Variants in CCAR1 observed in about 807,000 individuals in gnomAD.
CCAR1 encodes the protein cell division cycle and apoptosis regulator 1.
A neutral mutation model predicts 163.8 loss-of-function variants in CCAR1; 78 were observed. That is an observed-to-expected ratio of 0.48 (90% CI 0.40 to 0.57). CCAR1 has a LOEUF of 0.57. Among genes scored for constraint, CCAR1 ranks in the 20% least tolerant of loss-of-function variants. CCAR1 has a pLI of 0.00. For missense variants in CCAR1, 1,019 were observed against 1,365.2 expected, an observed-to-expected ratio of 0.75 and a Z score of 4.00; for synonymous variants, 443 against 460.7, an observed-to-expected ratio of 0.96 and a Z score of 0.49.
chr10:68,741,496 T>G (rs1013999793), intron 5 of CCAR1, among the ~76,000 whole-genome samples: 2 of 152,186 alleles, frequency 1.3e-5, no homozygotes, highest in Admixed American at 1.3e-4. Flanking sequence ...ATAAACTACG[T>G]AAAAAGAGCC....
chr10:68,736,654 ATTC>A (rs991673761), intron 2 of CCAR1, among the ~76,000 whole-genome samples: 15 of 152,232 alleles, frequency 9.9e-5, no homozygotes, highest in African/African-American at 2.4e-4. Flanking sequence ...ATTACCGGAT[ATTC>A]TTCTTAAGGC....
chr10:68,743,810 G>A (rs2056217390), intron 6 of CCAR1, among the ~76,000 whole-genome samples: 1 of 152,044 alleles, frequency 6.6e-6, no homozygotes, highest in Non-Finnish European at 1.5e-5. Context: ...GAGTGCAGTG[G>A]TGCGATCTCA....
chr10:68,764,816 A>G (rs1227175577), intron 16 of CCAR1, among the ~76,000 whole-genome samples: 1 of 152,200 alleles, frequency 6.6e-6, no homozygotes, highest in African/African-American at 2.4e-5. Context: ...GCACACTTTA[A>G]AAATAGTAAT....
At chr10:68,779,546 A>C (rs2056710220) in intron 19 of CCAR1, among the ~76,000 whole-genome samples, 1 of 152,210 alleles carries the variant, frequency 6.6e-6, no homozygotes, top group Admixed American at 6.5e-5. Context: ...GGCGTGAGCC[A>C]CCACGTCCGG....
intron 19 of CCAR1, among the ~76,000 whole-genome samples, chr10:68,782,455 C>T (rs1315539474): frequency 6.6e-6 from 1 of 151,810 alleles, no homozygotes; most frequent in Non-Finnish European, 1.5e-5. Flanking sequence ...ACAGCAAGTG[C>T]TTATGTAGAA....
intron 16 of CCAR1, among the ~76,000 whole-genome samples, chr10:68,762,099 G>GC (rs2056478974): frequency 6.6e-6 from 1 of 151,852 alleles, no homozygotes; most frequent in Non-Finnish European, 1.5e-5. Context: ...GGAGGCCGAG[G>GC]TGGGCGGATC....
intron 18 of CCAR1, among the ~76,000 whole-genome samples, chr10:68,771,853 C>T (rs959997647): frequency 2.0e-5 from 3 of 151,612 alleles, no homozygotes; most frequent in Admixed American, 1.3e-4. Context: ...TTTTCTAATA[C>T]TTTATTCTTA....
intron 2 of CCAR1, among the ~76,000 whole-genome samples, chr10:68,735,494 A>G (rs1325799330): frequency 1.3e-5 from 2 of 150,020 alleles, no homozygotes; most frequent in Admixed American, 1.4e-4. Flanking sequence ...TCATCTCAGC[A>G]TCCTGAGTAG....
chr10:68,742,316 A>G (rs2056193392), intron 5 of CCAR1, 60 bp from the exon 6 acceptor site: 1 of 1,373,666 alleles, frequency 7.3e-7, no homozygotes, highest in Non-Finnish European at 1.0e-6. Flanking sequence ...AAGTAGTCAT[A>G]TTCAGTTTTT....
At chr10:68,763,745 G>A (rs1057444175) in intron 16 of CCAR1, among the ~76,000 whole-genome samples, 5 of 152,234 alleles carry the variant, frequency 3.3e-5, no homozygotes, top group African/African-American at 1.2e-4. Flanking sequence ...ACCGTGCTCA[G>A]CCCTCAATGA....
chr10:68,751,008 A>G (rs1000271635), intron 10 of CCAR1, among the ~76,000 whole-genome samples: 6 of 150,290 alleles, frequency 4.0e-5, no homozygotes, highest in Non-Finnish European at 7.4e-5. Flanking sequence ...TGGTCAAATC[A>G]GCACCTACTT....
chr10:68,782,048 A>G (rs1035179476), intron 19 of CCAR1, among the ~76,000 whole-genome samples: 32 of 152,188 alleles, frequency 2.1e-4, no homozygotes, highest in African/African-American at 7.2e-4. Flanking sequence ...GTGCTACTCC[A>G]GTGAACATGC....
At chr10:68,722,364 C>T in intron 1 of CCAR1, 91 bp from the exon 2 acceptor site, 4 of 747,994 alleles carry the variant, frequency 5.3e-6, no homozygotes, top group Admixed American at 3.9e-5. Context: ...AAGACGTCCT[C>T]GACACATTAA....
intron 19 of CCAR1, among the ~76,000 whole-genome samples, chr10:68,776,158 C>G (rs1028425887): frequency 2.6e-5 from 4 of 152,074 alleles, no homozygotes; most frequent in African/African-American, 9.7e-5. Context: ...CCTCTCACTC[C>G]TTTAATGTTG....
At chr10:68,726,659 G>A (rs183534069) in intron 2 of CCAR1, among the ~76,000 whole-genome samples, 3 of 152,144 alleles carry the variant, frequency 2.0e-5, no homozygotes, top group East Asian at 3.9e-4. Context: ...CAGCTCCAGT[G>A]CATCCATCAG....
intron 6 of CCAR1, among the ~76,000 whole-genome samples, 196 bp from the exon 7 acceptor site, chr10:68,746,965 A>C (rs1005250939): frequency 7.2e-5 from 11 of 152,026 alleles, no homozygotes; most frequent in African/African-American, 2.4e-4. Context: ...ATATGTATAC[A>C]TGTGCTATGC....
intron 15 of CCAR1, among the ~76,000 whole-genome samples, chr10:68,757,618 G>T (rs928947317): frequency 6.6e-6 from 1 of 151,958 alleles, no homozygotes; most frequent in Admixed American, 6.6e-5. Flanking sequence ...GTTTCAGAAT[G>T]TTGGCCAGTT....
At chr10:68,738,895 A>G (rs972122816) in intron 4 of CCAR1, among the ~76,000 whole-genome samples, 1 of 152,196 alleles carries the variant, frequency 6.6e-6, no homozygotes, top group Non-Finnish European at 1.5e-5. Context: ...AAAAATAGAA[A>G]AATTAGCTGG....
chr10:68,737,986 A>G, intron 4 of CCAR1, 97 bp downstream of exon 4: 1 of 801,354 alleles, frequency 1.2e-6, no homozygotes, highest in African/African-American at 1.8e-5. Context: ...AGCTACCTTA[A>G]CATGTGATAC....
Sources: gnomAD v4.1 joint callset for allele counts (sites outside exome capture counted in the v4.1 genomes callset) on GRCh38, gnomAD v4.1.1 for gene constraint, MANE v1.5 for transcripts, NCBI Gene and HGNC (gene_info 2026-07-23, HGNC 2026-07-21) for gene names.